Variants in NEK7 observed in about 807,000 individuals in gnomAD.
NEK7 encodes the protein NIMA related kinase 7.
In NEK7, 18 loss-of-function variants were observed where a neutral mutation model predicts 44.6. The ratio of observed to expected loss-of-function variants is 0.40; its 90% CI spans 0.28 to 0.60. NEK7 has a LOEUF of 0.60. Ranked by LOEUF, NEK7 falls within the 20% of genes least tolerant of loss-of-function variation. NEK7 has a pLI of 0.38. For synonymous variants in NEK7, 130 were observed against 121.1 expected, an observed-to-expected ratio of 1.07 and a Z score of -0.48; for missense variants, 256 against 366.5, an observed-to-expected ratio of 0.70 and a Z score of 2.46.
intron 2 of NEK7, among the ~76,000 whole-genome samples, chr1:198,248,195 A>G (rs1333302153): frequency 1.3e-5 from 2 of 152,192 alleles, no homozygotes; most frequent in Non-Finnish European, 2.9e-5. Context: ...GATAGTTTTA[A>G]ATAGGCTTTT....
intron 9 of NEK7, among the ~76,000 whole-genome samples, chr1:198,313,069 A>C (rs1217104642): frequency 6.6e-6 from 1 of 151,836 alleles, no homozygotes; most frequent in African/African-American, 2.4e-5. Flanking sequence ...AATGTGTGGG[A>C]GTCTAAGTCT....
At chr1:198,210,724 C>CCCTTCAAT (rs1335971948) in intron 1 of NEK7, among the ~76,000 whole-genome samples, 1 of 146,130 alleles carries the variant, frequency 6.8e-6, no homozygotes, top group Non-Finnish European at 1.5e-5. Flanking sequence ...ATGTCATTGT[C>CCCTTCAAT]CCTTCAATTT....
rs141259868 is a variant in NEK7, at chr1:198,271,184, T to C, written c.373-6777T>C. Among the ~76,000 whole-genome samples, 34 of 152,180 alleles carry C rather than the reference T, an allele frequency of 2.2e-4. No homozygotes were observed. In the East Asian group the frequency reaches 6.4e-3, roughly 29 times the overall value. On this transcript the variant is annotated intron_variant, in intron 5 of 9. Coordinates refer to ENST00000367385, the MANE Select transcript of NEK7 (RefSeq NM_133494.3). Reference sequence around the variant, plus strand: ...CCAATTAGGTCATGACTACCCATGCTAATGTCCTTCTTGATTAACTCAAAG... The same window carrying C: ...CCAATTAGGTCATGACTACCCATGCCAATGTCCTTCTTGATTAACTCAAAG...
At chr1:198,239,303 C>G (rs1666622267) in intron 2 of NEK7, among the ~76,000 whole-genome samples, 1 of 152,136 alleles carries the variant, frequency 6.6e-6, no homozygotes, top group Non-Finnish European at 1.5e-5. Flanking sequence ...TTTGATTCCT[C>G]TAGCTGCATT....
intron 2 of NEK7, among the ~76,000 whole-genome samples, chr1:198,244,561 T>C (rs1476660379): frequency 6.6e-6 from 1 of 152,154 alleles, no homozygotes; most frequent in Non-Finnish European, 1.5e-5. Context: ...CACAGACTGA[T>C]ACGTAGAAGT....
intron 1 of NEK7, among the ~76,000 whole-genome samples, chr1:198,207,731 G>T (rs59953808): frequency 0.15 from 22,310 of 151,956 alleles, 2,129 homozygotes; most frequent in South Asian, 0.26. Flanking sequence ...TGATGGAACT[G>T]TTCTATATTT....
At chr1:198,254,146 A>G (rs984585640) in intron 3 of NEK7, among the ~76,000 whole-genome samples, 2 of 151,986 alleles carry the variant, frequency 1.3e-5, no homozygotes, top group South Asian at 4.1e-4. Flanking sequence ...TTTAATTTAC[A>G]TTTAAAAATG....
chr1:198,249,161 A>G lies in NEK7; in HGVS notation c.58-3879A>G, dbSNP rs562111016. On this transcript the variant is annotated intron_variant, in intron 2 of 9. Transcript: ENST00000367385. ...CGGTGTTTGGTTTTTTGTTCTTGCG[A>G]TAGTTTACTGAGAATGATGATTTCC... Among the ~76,000 whole-genome samples, 359 of 150,782 alleles carry G rather than the reference A, an allele frequency of 2.4e-3. 1 individual carries two copies. The highest frequency in any genetic ancestry group is 8.5e-3 in the African/African-American group (347 of 41,054).
chr1:198,293,138 AATC>A, intron 8 of NEK7, 99 bp downstream of exon 8: 4 of 635,196 alleles, frequency 6.3e-6, no homozygotes, highest in Non-Finnish European at 1.1e-5. Context: ...GATGTTTAAG[AATC>A]ACCTTTTTAA....
chr1:198,251,829 C>T (rs1653008685), intron 2 of NEK7, among the ~76,000 whole-genome samples: 1 of 152,018 alleles, frequency 6.6e-6, no homozygotes, highest in Admixed American at 6.6e-5. Context: ...AAAACCAGCT[C>T]CTGGATTCAT....
At chr1:198,254,976 A>C (rs1426218876) in intron 3 of NEK7, among the ~76,000 whole-genome samples, 1 of 152,172 alleles carries the variant, frequency 6.6e-6, no homozygotes. Context: ...CAGGGAAATA[A>C]AAAAGAAACT....
At chr1:198,310,891 T>A (rs1655161857) in intron 9 of NEK7, among the ~76,000 whole-genome samples, 1 of 151,080 alleles carries the variant, frequency 6.6e-6, no homozygotes, top group African/African-American at 2.4e-5. Context: ...AGCTTTGTTC[T>A]TTTCGCTTAG....
chr1:198,202,615 G>A (rs756733797), intron 1 of NEK7, among the ~76,000 whole-genome samples: 4 of 152,170 alleles, frequency 2.6e-5, no homozygotes, highest in African/African-American at 4.8e-5. Context: ...ATAGTTTCAC[G>A]TGGCTAGGGA....
chr1:198,221,555 CACGTTTTAAA>C (rs1385078679), intron 1 of NEK7, among the ~76,000 whole-genome samples: 1 of 151,378 alleles, frequency 6.6e-6, no homozygotes, highest in African/African-American at 2.4e-5. Context: ...TTTTATATTA[CACGTTTTAAA>C]ACTATATAAT....
intron 1 of NEK7, among the ~76,000 whole-genome samples, chr1:198,161,103 A>G (rs1664089903): frequency 6.6e-6 from 1 of 152,244 alleles, no homozygotes; most frequent in South Asian, 2.1e-4. Context: ...AATAGCTATC[A>G]AAGTGTTAAG....
In NEK7 at chr1:198,232,637, G is replaced by C. The variant is rs1312565112; in HGVS notation, c.57G>C (p.Gln19His). The C allele has an allele frequency of 3.8e-6, 6 of 1,572,698 alleles. No individual in the cohort carries two copies. Among genetic ancestry groups the C allele is most frequent in the Non-Finnish European group, 5.2e-6 (6 of 1,143,046 alleles). Reference sequence around the variant, plus strand: ...CACCTGTTCCTCAGTTCCAACCACAGGTAATTTATCCTAATTAAGATGGGC... The same window carrying C: ...CACCTGTTCCTCAGTTCCAACCACACGTAATTTATCCTAATTAAGATGGGC... ...QGPPVPQFQP[Q>H]KALRPDMGYN... Residue 19 changes from glutamine (Q) to histidine (H), a missense_variant and splice_region_variant, in exon 2 of 10, where the codon CAG (glutamine) becomes CAC (histidine). Around this residue, in one of 3 missense-constraint regions of NEK7, gnomAD observed 96 missense variants for 94.9 expected, o/e 1.01. Coordinates refer to ENST00000367385, the MANE Select transcript of NEK7 (RefSeq NM_133494.3).
At chr1:198,232,379 T>G (rs1286299455) in intron 1 of NEK7, among the ~76,000 whole-genome samples, 174 bp from the exon 2 acceptor site, 2 of 152,294 alleles carry the variant, frequency 1.3e-5, no homozygotes, top group Admixed American at 1.3e-4. Context: ...TGAATATTTG[T>G]GGGAGCTAAC....
intron 1 of NEK7, among the ~76,000 whole-genome samples, chr1:198,165,651 ACAGG>A (rs1304122507): frequency 6.6e-6 from 1 of 152,186 alleles, no homozygotes; most frequent in Non-Finnish European, 1.5e-5. Flanking sequence ...CTTATAGCAC[ACAGG>A]CAGAGTAGAT....
intron 5 of NEK7, among the ~76,000 whole-genome samples, chr1:198,265,668 G>A (rs1653629125): frequency 6.6e-6 from 1 of 152,088 alleles, no homozygotes; most frequent in Admixed American, 6.6e-5. Context: ...TTACTGTTTA[G>A]CTTCCTAGAT....
Sources: gnomAD v4.1 joint callset for allele counts (sites outside exome capture counted in the v4.1 genomes callset) on GRCh38, gnomAD v4.1.1 for gene constraint, gnomAD v4.1.1 regional missense constraint, MANE v1.5 for transcripts, NCBI Gene and HGNC (gene_info 2026-07-23, HGNC 2026-07-21) for gene names.